ANK3: variants seen among roughly 807,000 people sequenced by gnomAD.
ANK3 encodes ankyrin-3.
ANK3 carries 57 observed loss-of-function variants against 370.9 expected under a neutral mutation model. The ratio of observed to expected loss-of-function variants is 0.15; its 90% confidence interval spans 0.12 to 0.19. The LOEUF is 0.19. ANK3 is among the 10% of genes least tolerant of loss of function. ANK3 has a pLI of 1.00. For missense variants in ANK3, 4,439 were observed against 5,302.1 expected (o/e 0.84, Z 5.06); for synonymous variants, 1,929 against 1,946.3 (o/e 0.99, Z 0.23).
chr10:60,302,984 G>A (rs1018021124), intron 1 of ANK3, among the ~76,000 whole-genome samples: 2 of 152,176 alleles, frequency 1.3e-5, no homozygotes, highest in South Asian at 4.1e-4. Context: ...AGTAAATGGT[G>A]CTGGGAAACC....
At position 60,240,281 on chromosome 10, in the gene ANK3, C is replaced by CATATATATAT. The variant is rs35855721; in HGVS notation, c.799-5505_799-5496dup. ...ATATACACATATATATACACACACA[C>CATATATATAT]ATATATATATATATATATATATATA... On this transcript the variant is annotated intron_variant, in intron 7 of 43. Coordinates refer to ENST00000280772, the MANE Select transcript of ANK3 (RefSeq NM_020987.5). 3.2e-4 allele frequency among the ~76,000 whole-genome samples: 28 copies of CATATATATAT among 88,348 alleles called. 1 individual carries two copies. The highest frequency in any genetic ancestry group is 1.1e-3 in the East Asian group (4 of 3,506). 58.0% of individuals were successfully genotyped at this position (88,348 alleles called of 152,430 possible).
chr10:60,143,447 C>G (rs1245860196), intron 23 of ANK3, among the ~76,000 whole-genome samples: 2 of 152,108 alleles, frequency 1.3e-5, no homozygotes, highest in Non-Finnish European at 2.9e-5. Context: ...ATAAGCCAAC[C>G]AAGGTAATTT....
chr10:60,579,624 T>C (rs1035753599), intron 2 of ANK3, among the ~76,000 whole-genome samples: 3 of 152,104 alleles, frequency 2.0e-5, no homozygotes, highest in Admixed American at 1.3e-4. Flanking sequence ...CTCAGAGTAG[T>C]TGGAAGTCAT....
At chr10:60,193,172 CTG>C (rs1289601396) in intron 16 of ANK3, among the ~76,000 whole-genome samples, 1 of 152,138 alleles carries the variant, frequency 6.6e-6, no homozygotes, top group East Asian at 1.9e-4. Flanking sequence ...TTAGAAAAGC[CTG>C]TGTTTAATTG....
At chr10:60,715,734 G>A (rs1020344664) in intron 1 of ANK3, among the ~76,000 whole-genome samples, 1 of 152,070 alleles carries the variant, frequency 6.6e-6, no homozygotes, top group African/African-American at 2.4e-5. Context: ...TTGCATATTT[G>A]CAACTCTATT....
At chr10:60,301,299 T>TATACACACACAC (rs1566396145) in intron 1 of ANK3, among the ~76,000 whole-genome samples, 141 of 147,382 alleles carry the variant, frequency 9.6e-4, no homozygotes, top group Non-Finnish European at 7.6e-4. Flanking sequence ...TACACACACA[T>TATACACACACAC]ACATATATAC....
rs571878995 is a variant in ANK3, at chr10:60,096,884, G to C, written c.3329-8526C>G. The stretch of plus-strand genomic sequence containing the variant: ...ATAAGTTGCTGTAAAGTAAACAATA[G>C]AACATAAACATAAGAGCTTCTTACC... On this transcript the variant is annotated intron_variant, in intron 28 of 43. Coordinates refer to ENST00000280772, the MANE Select transcript of ANK3 (RefSeq NM_020987.5). Among the ~76,000 whole-genome samples the C allele has an allele frequency of 7.9e-5, 12 of 152,216 alleles. No homozygotes were observed. In the East Asian group the frequency reaches 2.3e-3, roughly 29 times the overall value.
At chr10:60,043,381 A>G (rs1354420831) in intron 42 of ANK3, 2 of 983,812 alleles carry the variant, frequency 2.0e-6, no homozygotes, top group Non-Finnish European at 2.4e-6. Flanking sequence ...ATAAATTTTC[A>G]GTTTACTTTT....
intron 2 of ANK3, among the ~76,000 whole-genome samples, chr10:60,580,923 GGTC>G (rs1426057026): frequency 6.6e-6 from 1 of 152,074 alleles, no homozygotes; most frequent in Non-Finnish European, 1.5e-5. Context: ...AGTCAAAGAG[GGTC>G]ACATCTAGGT....
chr10:60,226,660 A>C (rs1284668639), intron 8 of ANK3, among the ~76,000 whole-genome samples: 4 of 131,318 alleles, frequency 3.0e-5, no homozygotes, highest in Non-Finnish European at 6.4e-5. Flanking sequence ...TATCATAATA[A>C]ATTATAGTAT....
At chr10:60,697,807 G>A (rs1436481759) in intron 1 of ANK3, among the ~76,000 whole-genome samples, 1 of 152,018 alleles carries the variant, frequency 6.6e-6, no homozygotes, top group East Asian at 1.9e-4. Context: ...AACCCTAGAA[G>A]AAAACCTAGG....
At chr10:60,366,651 G>A (rs559390204) in intron 1 of ANK3, among the ~76,000 whole-genome samples, 1 of 152,160 alleles carries the variant, frequency 6.6e-6, no homozygotes, top group Non-Finnish European at 1.5e-5. Flanking sequence ...AAGGGAAGGA[G>A]GAAAGAGGGG....
chr10:60,306,935 G>C (rs2045268296), intron 1 of ANK3, among the ~76,000 whole-genome samples: 1 of 152,122 alleles, frequency 6.6e-6, no homozygotes, highest in South Asian at 2.1e-4. Flanking sequence ...GGTCTATGTT[G>C]CCTAGACTGG....
intron 1 of ANK3, among the ~76,000 whole-genome samples, chr10:60,335,025 C>T (rs2052452639): frequency 1.3e-5 from 2 of 152,102 alleles, no homozygotes; most frequent in South Asian, 2.1e-4. Flanking sequence ...CAAGGAGACA[C>T]TTGACACTGG....
chr10:60,404,222 T>A (rs929260520), intron 2 of ANK3, among the ~76,000 whole-genome samples: 95 of 152,120 alleles, frequency 6.2e-4, no homozygotes, highest in Middle Eastern at 3.4e-3. Flanking sequence ...AGTTTTTTTT[T>A]AAAAAAATAG....
At chr10:60,724,111 G>A (rs1424372452) in intron 1 of ANK3, among the ~76,000 whole-genome samples, 1 of 127,612 alleles carries the variant, frequency 7.8e-6, no homozygotes, top group African/African-American at 2.8e-5. Flanking sequence ...TCGGGAGGCT[G>A]AGGCAGGAAA....
At chr10:60,608,031 G>A (rs2078151282) in intron 2 of ANK3, among the ~76,000 whole-genome samples, 1 of 152,136 alleles carries the variant, frequency 6.6e-6, no homozygotes, top group Non-Finnish European at 1.5e-5. Context: ...GTATCAGCAG[G>A]CAGCATGGCC....
At chr10:60,276,400 T>C (rs562882023) in intron 4 of ANK3, among the ~76,000 whole-genome samples, 1 of 152,194 alleles carries the variant, frequency 6.6e-6, no homozygotes, top group South Asian at 2.1e-4. Context: ...TGAAGAGTTG[T>C]TACCAGGAAT....
chr10:60,585,459 A>G (rs1276709445), intron 2 of ANK3, among the ~76,000 whole-genome samples: 1 of 152,178 alleles, frequency 6.6e-6, no homozygotes, highest in Non-Finnish European at 1.5e-5. Flanking sequence ...AAGACCCCAG[A>G]CAGTAAGATA....
Sources: allele counts gnomAD v4.1 joint callset (sites outside exome capture counted in the v4.1 genomes callset), GRCh38; gene constraint gnomAD v4.1.1; transcripts MANE v1.5; gene names NCBI Gene and HGNC (gene_info 2026-07-23, HGNC 2026-07-21).